The following PARG variants were observed in gnomAD, a reference collection of about 807,000 sequenced individuals.
The protein encoded by PARG is mitochondrial poly(ADP-ribose) glycohydrolase.
PARG carries 35 observed loss-of-function variants against 113.0 expected under a neutral mutation model. The observed-to-expected ratio is 0.31, with a 90% CI of 0.24 to 0.41. The LOEUF (loss-of-function observed/expected upper bound fraction) is 0.41, where lower values mean the gene tolerates loss of function less well. PARG is among the 10% of genes least tolerant of loss of function. The pLI, the probability that PARG is intolerant of heterozygous loss-of-function variation, is 1.00. For missense variants in PARG, 797 were observed against 1,169.4 expected, an observed-to-expected ratio of 0.68 and a Z score of 4.64; for synonymous variants, 330 against 409.9, an observed-to-expected ratio of 0.81 and a Z score of 2.36.
intron 6 of PARG, 109 bp downstream of exon 6, chr10:49,922,227 G>C (rs1222766955): frequency 8.6e-7 from 1 of 1,165,156 alleles, no homozygotes; most frequent in Non-Finnish European, 1.2e-6. Flanking sequence ...CAGGAAGCAA[G>C]CATTTTGCAT....
intron 7 of PARG, among the ~76,000 whole-genome samples, chr10:49,910,633 CT>C (rs1837123133): frequency 6.6e-6 from 1 of 151,968 alleles, no homozygotes; most frequent in African/African-American, 2.4e-5. Context: ...AGACATAAAA[CT>C]CAACATGGAA....
intron 7 of PARG, among the ~76,000 whole-genome samples, chr10:49,889,366 TA>T: frequency 6.6e-6 from 1 of 152,334 alleles, no homozygotes; most frequent in East Asian, 1.9e-4. Flanking sequence ...ATGGGATAGC[TA>T]CTTCATTACC....
At chr10:49,885,024 C>T (rs1340068595) in intron 8 of PARG, among the ~76,000 whole-genome samples, 179 bp downstream of exon 8, 5 of 150,846 alleles carry the variant, frequency 3.3e-5, no homozygotes, top group African/African-American at 4.9e-5. Flanking sequence ...AGCAAAATTA[C>T]TATACTCTTT....
At position 49,915,990 on chromosome 10, in the gene PARG, T is replaced by A; in HGVS notation, c.1664A>T (p.Asp555Val). ...NKFTRPQNLK[D>V]AILKYNVAYS... ...TGCCACATTGTATTTCAGAATAGCA[T>A]CCTGTGGAAAATGCAGAAACAAAAA... The change falls in exon 7 of 18, where the codon GAT (aspartate) becomes GTT (valine). Residue 555 changes from aspartate to valine, a missense_variant and splice_region_variant. Asp to Val is a radical substitution (Grantham distance 152, BLOSUM62 -3). This residue lies in a region of PARG where 252 missense variants were observed against 437.4 expected (regional missense o/e 0.58). Coordinates refer to ENST00000616448, the MANE Select transcript of PARG (RefSeq NM_003631.5). 2 of 1,532,174 alleles carry A rather than the reference T, an allele frequency of 1.3e-6. No homozygotes were observed. The highest frequency in any genetic ancestry group is 1.8e-6 in the Non-Finnish European group (2 of 1,129,138). The allele number at this position is 1,532,174 out of a possible 1,614,324, so 94.9% of individuals were successfully genotyped here. A position where few individuals can be genotyped will look rare whatever the true frequency, so the allele number is the denominator to read the frequency against.
chr10:49,845,161 G>T (rs1554833127), intron 13 of PARG, among the ~76,000 whole-genome samples: 1 of 152,302 alleles, frequency 6.6e-6, no homozygotes, highest in African/African-American at 2.4e-5. Context: ...ATTTTATATT[G>T]CTGGGAGAAC....
intron 15 of PARG, among the ~76,000 whole-genome samples, chr10:49,834,799 C>A (rs1844835529): frequency 6.6e-6 from 1 of 152,076 alleles, no homozygotes; most frequent in African/African-American, 2.4e-5. Context: ...ATGATGGTGC[C>A]ACTGCACTCC....
At chr10:49,839,943 G>A (rs1845142238) in intron 15 of PARG, among the ~76,000 whole-genome samples, 1 of 152,180 alleles carries the variant, frequency 6.6e-6, no homozygotes, top group South Asian at 2.1e-4. Flanking sequence ...GTTTAGGTAA[G>A]TAGCACCTCA....
intron 7 of PARG, among the ~76,000 whole-genome samples, chr10:49,889,606 C>T (rs1847668948): frequency 1.3e-5 from 2 of 152,170 alleles, no homozygotes; most frequent in African/African-American, 4.8e-5. Context: ...ACAAGGTCCC[C>T]TGTTTTTCAC....
intron 7 of PARG, among the ~76,000 whole-genome samples, chr10:49,907,602 C>T (rs1209154750): frequency 6.6e-6 from 1 of 152,046 alleles, no homozygotes; most frequent in Non-Finnish European, 1.5e-5. Context: ...CTACAATAGT[C>T]CTTCCAGGGT....
Position 49,941,544 on chromosome 10 carries a change from C to G in PARG, c.182G>C (p.Arg61Pro), listed in dbSNP as rs1468270197. 4 of 1,552,684 alleles carry G rather than the reference C, an allele frequency of 2.6e-6. No individual in the cohort carries two copies. The African/African-American group carries it at 5.5e-5, about 21-fold the overall frequency. ...PPSSPACVPGRAGQHRGSATS... is the reference protein window; with the variant it reads ...PPSSPACVPGPAGQHRGSATS... ...GGCGCTGCCTCTGTGCTGTCCCGCCCGCCCTGGGACGCAGGCTGGCGAGGA... is the reference window on the plus strand; with the variant it reads ...GGCGCTGCCTCTGTGCTGTCCCGCCGGCCCTGGGACGCAGGCTGGCGAGGA... The change falls in exon 1 of 18, where the codon CGG (arginine) becomes CCG (proline). Residue 61 changes from arginine to proline, a missense_variant. Physicochemically the swap from Arg to Pro is moderately radical, Grantham distance 103. Transcript: ENST00000616448.
intron 13 of PARG, among the ~76,000 whole-genome samples, chr10:49,856,803 A>G (rs1305570693): frequency 6.6e-6 from 1 of 152,002 alleles, no homozygotes; most frequent in Admixed American, 6.6e-5. Flanking sequence ...TGAGGTCAGG[A>G]GTTCGAGACC....
intron 9 of PARG, among the ~76,000 whole-genome samples, chr10:49,873,590 A>G (rs1287440816): frequency 1.4e-5 from 2 of 138,320 alleles, no homozygotes; most frequent in Admixed American, 7.4e-5. Context: ...TACCTAGAAA[A>G]TTCCATAGAC....
chr10:49,939,594 T>C (rs1838919855), intron 1 of PARG, among the ~76,000 whole-genome samples: 1 of 152,218 alleles, frequency 6.6e-6, no homozygotes. Flanking sequence ...AGCTTTTTAG[T>C]GGTTTCTCCA....
intron 2 of PARG, among the ~76,000 whole-genome samples, chr10:49,934,418 G>A (rs1838643545): frequency 6.6e-6 from 1 of 151,834 alleles, no homozygotes; most frequent in Admixed American, 6.6e-5. Flanking sequence ...AGGGACCAAA[G>A]GTAAAGTTGA....
chr10:49,935,994 G>A (rs1838721909), intron 1 of PARG, among the ~76,000 whole-genome samples: 2 of 152,130 alleles, frequency 1.3e-5, no homozygotes, highest in Admixed American at 1.3e-4. Flanking sequence ...CTTATTGCCA[G>A]AAACTAGGGA....
chr10:49,928,051 A>C (rs1290480441), intron 4 of PARG, among the ~76,000 whole-genome samples: 2 of 151,914 alleles, frequency 1.3e-5, no homozygotes, highest in African/African-American at 4.8e-5. Context: ...GCGGGTGATC[A>C]CCTGAGGTCA....
chr10:49,848,411 A>G lies in PARG; in HGVS notation c.2354-4779T>C, dbSNP rs1368202048. Among the ~76,000 whole-genome samples the G allele has an allele frequency of 4.9e-5, 7 of 144,216 alleles. No homozygotes were observed. In the Admixed American group the frequency reaches 4.9e-4, roughly 10 times the overall value. 94.6% of individuals were successfully genotyped at this position (144,216 alleles called of 152,430 possible). A position where few individuals can be genotyped will look rare whatever the true frequency, so the allele number is the denominator to read the frequency against. On this transcript the variant is annotated intron_variant, in intron 13 of 17. Transcript: ENST00000616448. ...ATAAATAAAGCTATGAAAATACTCTATTTTCATATATGATTAAAAATTTCC... is the reference window on the plus strand; with the variant it reads ...ATAAATAAAGCTATGAAAATACTCTGTTTTCATATATGATTAAAAATTTCC...
chr10:49,846,788 T>C (rs1469922497), intron 13 of PARG, among the ~76,000 whole-genome samples: 4 of 152,014 alleles, frequency 2.6e-5, no homozygotes, highest in Non-Finnish European at 4.4e-5. Context: ...AACATATATG[T>C]TCTAGTTCAA....
intron 2 of PARG, among the ~76,000 whole-genome samples, chr10:49,934,574 G>A (rs1317870154): frequency 1.3e-5 from 2 of 152,094 alleles, no homozygotes; most frequent in African/African-American, 2.4e-5. Flanking sequence ...GACTGGCCGG[G>A]CGCAGTGGCT....
Sources: allele counts gnomAD v4.1 joint callset (sites outside exome capture counted in the v4.1 genomes callset), GRCh38; gene constraint gnomAD v4.1.1; regional missense constraint gnomAD v4.1.1; transcripts MANE v1.5; gene names NCBI Gene and HGNC (gene_info 2026-07-23, HGNC 2026-07-21).